The following SPMAP2 variants were observed in gnomAD, a reference collection of about 807,000 sequenced individuals.
The protein encoded by SPMAP2 is sperm microtubule associated protein 2.
chr19:362,492 G>C, the SPMAP2 span: 1 of 1,350,114 alleles, frequency 7.4e-7, no homozygotes, highest in Non-Finnish European at 1.0e-6. Context: ...TTCAGGCTGG[G>C]CATGGGAGCT....
the SPMAP2 span, among the ~76,000 whole-genome samples, chr19:362,765 TAAAAAAAAAAAAA>T: frequency 7.0e-5 from 4 of 57,496 alleles, no homozygotes; most frequent in Admixed American, 2.4e-4. Flanking sequence ...GACTCCATCT[TAAAAAAAAAAAAA>T]AAAAAAAAAA....
At chr19:367,394 C>G in the SPMAP2 span, among the ~76,000 whole-genome samples, 1 of 152,088 alleles carries the variant, frequency 6.6e-6, no homozygotes, top group East Asian at 1.9e-4. Flanking sequence ...ATAAAGAGCT[C>G]CTCCAAACCA....
the SPMAP2 span, among the ~76,000 whole-genome samples, chr19:369,226 T>C: frequency 6.6e-6 from 1 of 152,202 alleles, no homozygotes; most frequent in South Asian, 2.1e-4. Flanking sequence ...TAGAAGTTAA[T>C]GCCACGCGAG....
At chr19:368,118 G>T in the SPMAP2 span, among the ~76,000 whole-genome samples, 1 of 152,096 alleles carries the variant, frequency 6.6e-6, no homozygotes, top group Non-Finnish European at 1.5e-5. The surrounding 1 kb of genome is among the most constrained non-coding windows in gnomAD (Gnocchi z 4.1). Flanking sequence ...GGGGGGTCGA[G>T]GTGGCAGGAT....
At chr19:370,922 G>A in the SPMAP2 span, among the ~76,000 whole-genome samples, 14 of 152,204 alleles carry the variant, frequency 9.2e-5, no homozygotes, top group African/African-American at 3.4e-4. Flanking sequence ...CTGAGCTGGG[G>A]CGAGAGATGA....
the SPMAP2 span, chr19:361,939 C>G: frequency 3.8e-6 from 1 of 265,748 alleles, no homozygotes; most frequent in Non-Finnish European, 6.7e-6. Flanking sequence ...GTTCCGACTC[C>G]GACGGTCCCG....
chr19:369,944 G>C, the SPMAP2 span, among the ~76,000 whole-genome samples: 1 of 152,302 alleles, frequency 6.6e-6, no homozygotes, highest in East Asian at 1.9e-4. Context: ...GGATGTATAC[G>C]TGCAAGTCAC....
the SPMAP2 span, chr19:371,289 G>C: frequency 6.7e-7 from 1 of 1,498,942 alleles, no homozygotes. Flanking sequence ...TGTATTCCAG[G>C]GAGGACCGAG....
At chr19:362,426 C>A in the SPMAP2 span, 1 of 1,598,488 alleles carries the variant, frequency 6.3e-7, no homozygotes, top group Non-Finnish European at 8.5e-7. Context: ...AGCTTTGGGC[C>A]CTAGTGGGGG....
chr19:362,303 T>C, the SPMAP2 span: 1 of 1,609,180 alleles, frequency 6.2e-7, no homozygotes, highest in Non-Finnish European at 8.5e-7. Context: ...GTTGAGGCCC[T>C]TGCGCACTTT....
At chr19:372,093 C>A in the SPMAP2 span, among the ~76,000 whole-genome samples, 1 of 152,254 alleles carries the variant, frequency 6.6e-6, no homozygotes, top group Non-Finnish European at 1.5e-5. Flanking sequence ...ACACCCACAT[C>A]AACGTCTGTG....
At chr19:374,054 G>A in the SPMAP2 span, 2 of 1,595,836 alleles carry the variant, frequency 1.3e-6, no homozygotes, top group Non-Finnish European at 1.7e-6. Context: ...TCTTGCCCTG[G>A]GTCTCCCGTT....
At chr19:364,567 A>T in the SPMAP2 span, among the ~76,000 whole-genome samples, 211 of 150,564 alleles carry the variant, frequency 1.4e-3, 1 homozygote, top group African/African-American at 4.9e-3. Context: ...AGGGGGCCAC[A>T]GCCAAGAGAG....
At chr19:365,908 C>T in the SPMAP2 span, among the ~76,000 whole-genome samples, 10 of 152,116 alleles carry the variant, frequency 6.6e-5, no homozygotes, top group Non-Finnish European at 1.2e-4. Flanking sequence ...TTTGGGAGGC[C>T]GAGGTGGGCG....
the SPMAP2 span, among the ~76,000 whole-genome samples, chr19:365,909 G>A: frequency 8.5e-5 from 13 of 152,188 alleles, no homozygotes; most frequent in African/African-American, 1.2e-4. Context: ...TTGGGAGGCC[G>A]AGGTGGGCGG....
At chr19:368,646 C>G in the SPMAP2 span, among the ~76,000 whole-genome samples, 233 of 152,332 alleles carry the variant, frequency 1.5e-3, no homozygotes, top group African/African-American at 5.2e-3. This position sits in a 1 kb window ranked among gnomAD's most constrained non-coding sequence, Gnocchi z 4.1. Context: ...TGCGTGGAGG[C>G]AGAGGATGAA....
the SPMAP2 span, among the ~76,000 whole-genome samples, chr19:362,765 TAAA>T: frequency 1.7e-3 from 99 of 57,476 alleles, no homozygotes; most frequent in Middle Eastern, 0.014. Context: ...GACTCCATCT[TAAA>T]AAAAAAAAAA....
the SPMAP2 span, among the ~76,000 whole-genome samples, chr19:366,327 A>C: frequency 0.095 from 14,416 of 152,092 alleles, 1,762 homozygotes; most frequent in African/African-American, 0.28. Flanking sequence ...TTCATACTCA[A>C]CGTGTGTGTG....
At chr19:362,073 A>G in the SPMAP2 span, 7 of 603,022 alleles carry the variant, frequency 1.2e-5, no homozygotes, top group African/African-American at 1.3e-4. Context: ...GCAAAAATAA[A>G]TATTATTGTC....
Sources: allele counts gnomAD v4.1 joint callset (sites outside exome capture counted in the v4.1 genomes callset), GRCh38; gene constraint gnomAD v4.1.1; non-coding constraint Gnocchi (gnomAD v3.1); transcripts MANE v1.5; gene names NCBI Gene and HGNC (gene_info 2026-07-23, HGNC 2026-07-21).